The following SSH2 variants were observed in gnomAD, a reference collection of about 807,000 sequenced individuals.
SSH2 encodes slingshot protein phosphatase 2.
In SSH2, 37 loss-of-function variants were observed where a neutral mutation model predicts 135.2. The observed-to-expected ratio is 0.27, with a 90% CI of 0.21 to 0.36. SSH2 has a LOEUF of 0.36. Ranked by LOEUF, SSH2 falls within the 10% of genes least tolerant of loss-of-function variation. The probability of loss-of-function intolerance (pLI) is 1.00; values close to 1 mark genes in which losing one functional copy is unlikely to be tolerated. For synonymous variants in SSH2, 628 were observed against 646.2 expected (o/e 0.97, Z 0.43); for missense variants, 1,408 against 1,765.3 (o/e 0.80, Z 3.63).
intron 3 of SSH2, among the ~76,000 whole-genome samples, chr17:29,724,330 A>C (rs1247089303): frequency 6.6e-6 from 1 of 152,032 alleles, no homozygotes; most frequent in Non-Finnish European, 1.5e-5. Context: ...GGAGTTCAAG[A>C]CCAGCCTGAC....
At chr17:29,759,144 T>G (rs1181711163) in intron 3 of SSH2, among the ~76,000 whole-genome samples, 1 of 152,172 alleles carries the variant, frequency 6.6e-6, no homozygotes, top group Non-Finnish European at 1.5e-5. Context: ...CAAGCTATCT[T>G]TCCACCTCAG....
chr17:29,929,902 C>A, intron 1 of SSH2, 36 bp downstream of exon 1: 1 of 1,557,146 alleles, frequency 6.4e-7, no homozygotes, highest in Non-Finnish European at 8.7e-7. Context: ...GCCGCAGTGA[C>A]AGAAGCAAGC....
At position 29,630,610 on chromosome 17, in the gene SSH2, AT is replaced by A; in HGVS notation, c.*230del. 2.8e-6 allele frequency: 1 copy of A among 355,032 alleles called. No homozygotes were observed. Among genetic ancestry groups the A allele is most frequent in the Non-Finnish European group, 4.9e-6 (1 of 202,496 alleles). The allele number at this position is 355,032 out of a possible 1,614,324, so 22.0% of individuals were successfully genotyped here. A position where few individuals can be genotyped will look rare whatever the true frequency, so the allele number is the denominator to read the frequency against. On this transcript the variant is annotated 3_prime_UTR_variant, in exon 16 of 16. Transcript: ENST00000540801. Reference sequence around the variant, plus strand: ...CTGAAAATGACTTTTTTGAGGTTTGATTTTTTTAAATAAAAAATGATAAACG... The same window carrying A: ...CTGAAAATGACTTTTTTGAGGTTTGATTTTTTAAATAAAAAATGATAAACG...
At chr17:29,713,335 A>AAAAC (rs1053638211) in intron 3 of SSH2, among the ~76,000 whole-genome samples, 1 of 152,176 alleles carries the variant, frequency 6.6e-6, no homozygotes, top group East Asian at 1.9e-4. Context: ...ACAGTGTCTC[A>AAAAC]AAACAAACAA....
intron 3 of SSH2, among the ~76,000 whole-genome samples, chr17:29,710,857 T>A (rs1033080381): frequency 6.6e-6 from 1 of 152,168 alleles, no homozygotes; most frequent in Non-Finnish European, 1.5e-5. Context: ...GATTCTGTAA[T>A]CCTAAAGGAA....
At chr17:29,731,427 TTA>T (rs2040192667) in intron 3 of SSH2, among the ~76,000 whole-genome samples, 3 of 69,964 alleles carry the variant, frequency 4.3e-5, no homozygotes, top group East Asian at 3.4e-4. Context: ...TTTTATTTAT[TTA>T]TTTATTTATT....
At position 29,891,386 on chromosome 17, in the gene SSH2, A is replaced by G. The variant is rs538153009; in HGVS notation, c.63+38552T>C. Among the ~76,000 whole-genome samples the G allele has an allele frequency of 7.2e-4, 109 of 152,304 alleles. 1 individual carries two copies. The highest frequency in any genetic ancestry group is 6.8e-3 in the South Asian group (33 of 4,824). On this transcript the variant is annotated intron_variant, in intron 1 of 15. Coordinates refer to ENST00000540801, the MANE Select transcript of SSH2 (RefSeq NM_001282129.2). ...ACATTTGCTACAAATAGTTCTCTGC[A>G]CTGTTATCTAGACAAAACCCATCAG...
intron 1 of SSH2, among the ~76,000 whole-genome samples, chr17:29,881,618 G>A (rs2066139472): frequency 6.6e-6 from 1 of 151,792 alleles, no homozygotes; most frequent in Admixed American, 6.6e-5. Context: ...TCTCCTGCCT[G>A]AGCCTCCCGA....
intron 1 of SSH2, among the ~76,000 whole-genome samples, chr17:29,892,259 T>C (rs1406273159): frequency 6.6e-6 from 1 of 152,068 alleles, no homozygotes; most frequent in Non-Finnish European, 1.5e-5. Flanking sequence ...ATCTGAAAGT[T>C]TCCAAAGCAG....
At chr17:29,810,468 A>T (rs1048189506) in intron 2 of SSH2, among the ~76,000 whole-genome samples, 2 of 152,218 alleles carry the variant, frequency 1.3e-5, no homozygotes, top group African/African-American at 4.8e-5. Flanking sequence ...GCATATTTAA[A>T]TAAGTTTCCC....
intron 3 of SSH2, among the ~76,000 whole-genome samples, chr17:29,706,159 T>C (rs1598845433): frequency 6.6e-6 from 1 of 152,218 alleles, no homozygotes; most frequent in African/African-American, 2.4e-5. Flanking sequence ...GTAAAAGTAA[T>C]AAATTATATA....
intron 11 of SSH2, among the ~76,000 whole-genome samples, chr17:29,657,359 T>G (rs1178411329): frequency 6.7e-6 from 1 of 149,066 alleles, no homozygotes; most frequent in African/African-American, 2.5e-5. Context: ...AACCTCCTCC[T>G]CTGGGGTTCA....
chr17:29,843,525 C>G (rs2043079287), intron 2 of SSH2, among the ~76,000 whole-genome samples: 1 of 151,632 alleles, frequency 6.6e-6, no homozygotes, highest in Admixed American at 6.6e-5. Context: ...CCACTGCACT[C>G]CAGCCTGGGT....
intron 3 of SSH2, among the ~76,000 whole-genome samples, chr17:29,740,992 G>T (rs903129301): frequency 6.6e-6 from 1 of 152,142 alleles, no homozygotes. Context: ...AACTCTCTGG[G>T]ATAATTAGTT....
intron 12 of SSH2, among the ~76,000 whole-genome samples, chr17:29,651,424 C>T (rs1010852922): frequency 6.6e-6 from 1 of 152,226 alleles, no homozygotes. Flanking sequence ...GCTGCTATGG[C>T]ATCGATGTAT....
intron 1 of SSH2, among the ~76,000 whole-genome samples, chr17:29,854,269 TG>T (rs2065621477): frequency 6.6e-6 from 1 of 152,106 alleles, no homozygotes; most frequent in East Asian, 1.9e-4. Flanking sequence ...AGCACTTTTC[TG>T]GGTGCTGAAT....
intron 3 of SSH2, among the ~76,000 whole-genome samples, chr17:29,750,408 C>T (rs1286388839): frequency 6.9e-6 from 1 of 144,242 alleles, no homozygotes; most frequent in Non-Finnish European, 1.5e-5. Flanking sequence ...TACTGCACTC[C>T]AGCATGGGCA....
intron 2 of SSH2, among the ~76,000 whole-genome samples, chr17:29,839,664 C>A (rs181304001): frequency 1.3e-5 from 2 of 152,274 alleles, no homozygotes; most frequent in Admixed American, 1.3e-4. Context: ...ACCTACTGAA[C>A]AAGAAACTTC....
chr17:29,712,058 T>A (rs2039450576), intron 3 of SSH2, among the ~76,000 whole-genome samples: 1 of 152,202 alleles, frequency 6.6e-6, no homozygotes, highest in Non-Finnish European at 1.5e-5. Flanking sequence ...AATCGATATA[T>A]GTAAAATGTA....
Sources: gnomAD v4.1 joint callset for allele counts (sites outside exome capture counted in the v4.1 genomes callset) on GRCh38, gnomAD v4.1.1 for gene constraint, MANE v1.5 for transcripts, NCBI Gene and HGNC (gene_info 2026-07-23, HGNC 2026-07-21) for gene names.